CASQ2: variants seen among roughly 807,000 people sequenced by gnomAD.
CASQ2 encodes the protein calsequestrin-2.
CASQ2 carries 49 observed loss-of-function variants against 46.5 expected under a neutral mutation model. The observed-to-expected ratio is 1.05, with a 90% confidence interval of 0.84 to 1.34. The LOEUF (loss-of-function observed/expected upper bound fraction) is 1.34. Among genes scored for constraint, CASQ2 ranks in the 40% most tolerant of loss-of-function variants. The pLI, the probability that CASQ2 is intolerant of heterozygous loss-of-function variation, is 0.00. For missense variants in CASQ2, 486 were observed against 481.3 expected, an observed-to-expected ratio of 1.01 and a Z score of -0.09; for synonymous variants, 174 against 168.5, an observed-to-expected ratio of 1.03 and a Z score of -0.25.
rs1570793543 is a variant in CASQ2, at chr1:115,702,973, G to A, written c.962C>T (p.Thr321Ile). 1 of 1,613,448 alleles carries A rather than the reference G, an allele frequency of 6.2e-7. No individual in the cohort carries two copies. Among genetic ancestry groups the A allele is most frequent in the Non-Finnish European group, 8.5e-7 (1 of 1,179,760 alleles). Residue 321 changes from threonine to isoleucine, a missense_variant, in exon 10 of 11, where the codon ACT becomes ATT. Thr to Ile is a moderately conservative substitution (Grantham distance 89). Coordinates refer to ENST00000261448, the MANE Select transcript of CASQ2 (RefSeq NM_001232.4). ...FPLLVAYWEK[T>I]FKIDLFRPQI... is the part of the protein sequence containing the mutation. ...TGGCCTGAATAGGTCAATCTTGAAA[G>A]TCTTCTCCCAGTAGGCAACGAGCTG... is the stretch of plus-strand genomic sequence containing the variant.
intron 1 of CASQ2, among the ~76,000 whole-genome samples, chr1:115,764,127 G>T (rs78856753): frequency 6.6e-6 from 1 of 151,782 alleles, no homozygotes; most frequent in African/African-American, 2.4e-5. Flanking sequence ...AATGGCAAAA[G>T]AATTTTATAG....
intron 7 of CASQ2, among the ~76,000 whole-genome samples, chr1:115,723,499 A>G (rs894121638): frequency 6.6e-6 from 1 of 152,124 alleles, no homozygotes; most frequent in Non-Finnish European, 1.5e-5. Flanking sequence ...TTAAAGCACT[A>G]TTATATCTTT....
rs148491153 is a variant in CASQ2 at position 115,704,702 on chromosome 1, C to T, written c.939+490G>A. Among the ~76,000 whole-genome samples, 50 of 152,274 alleles carry T rather than the reference C, an allele frequency of 3.3e-4. No individual in the cohort carries two copies. The East Asian group carries it at 7.7e-3, about 24-fold the overall frequency. ...GACTTGAAGTTTCTTTCACATTCAT[C>T]GTAGGCTAGACACTATGCTAGGTCC... On this transcript the variant is annotated intron_variant, in intron 9 of 10. Coordinates refer to ENST00000261448, the MANE Select transcript of CASQ2 (RefSeq NM_001232.4).
intron 4 of CASQ2, among the ~76,000 whole-genome samples, chr1:115,736,218 C>G (rs183312083): frequency 6.6e-6 from 1 of 151,558 alleles, no homozygotes; most frequent in East Asian, 1.9e-4. Context: ...CCATTTGTCA[C>G]TATCCACATA....
At chr1:115,742,602 T>C (rs895462616) in intron 2 of CASQ2, among the ~76,000 whole-genome samples, 2 of 152,190 alleles carry the variant, frequency 1.3e-5, no homozygotes, top group African/African-American at 2.4e-5. Flanking sequence ...TTTTTATGTA[T>C]ACTTGCCCAG....
intron 5 of CASQ2, among the ~76,000 whole-genome samples, chr1:115,729,346 C>T (rs946691522): frequency 1.3e-5 from 2 of 152,110 alleles, no homozygotes; most frequent in African/African-American, 4.8e-5. Flanking sequence ...AGCCACTGCG[C>T]CCGACCCCCT....
At chr1:115,701,564 A>T in intron 10 of CASQ2, 138 bp from the exon 11 acceptor site, 2 of 711,732 alleles carry the variant, frequency 2.8e-6, no homozygotes, top group South Asian at 3.0e-5. Flanking sequence ...TGTTAAATGG[A>T]AATGCCAAAC....
At chr1:115,739,910 C>A (rs1163085264) in intron 3 of CASQ2, among the ~76,000 whole-genome samples, 3 of 152,228 alleles carry the variant, frequency 2.0e-5, no homozygotes, top group Admixed American at 2.0e-4. Context: ...TGTTCTGTCA[C>A]CCCTCTCAAC....
chr1:115,714,835 A>G (rs577854937), intron 8 of CASQ2, among the ~76,000 whole-genome samples: 1 of 152,334 alleles, frequency 6.6e-6, no homozygotes, highest in East Asian at 1.9e-4. Flanking sequence ...ACCTCAGTGC[A>G]TGCTTACAGC....
At chr1:115,739,324 C>T (rs1391783922) in intron 3 of CASQ2, among the ~76,000 whole-genome samples, 2 of 151,564 alleles carry the variant, frequency 1.3e-5, no homozygotes, top group East Asian at 3.9e-4. Flanking sequence ...ACCGTATTAG[C>T]CAGGATGGTC....
rs3811003 is a variant in CASQ2 at position 115,705,169 on chromosome 1, G to A, written c.939+23C>T. ...GAGGTTGTGACAGCAACTGAGGGTG[G>A]GGCGCTGGCTGGAGCCACTCACCAG... is the stretch of plus-strand genomic sequence containing the variant. On this transcript the variant is annotated intron_variant, in intron 9 of 10. Coordinates refer to ENST00000261448, the MANE Select transcript of CASQ2 (RefSeq NM_001232.4). 0.33 allele frequency: 478,639 copies of A among 1,440,028 alleles called. 83,796 individuals carry two copies. The highest frequency in any genetic ancestry group is 0.56 in the African/African-American group (40,380 of 71,568). The allele number at this position is 1,440,028 out of a possible 1,614,324, so 89.2% of individuals were successfully genotyped here.
intron 5 of CASQ2, among the ~76,000 whole-genome samples, chr1:115,731,103 T>G (rs1399233876): frequency 1.3e-5 from 2 of 152,206 alleles, no homozygotes; most frequent in African/African-American, 4.8e-5. Flanking sequence ...TTTGTCTCTT[T>G]AAATATTCTG....
chr1:115,730,427 T>C (rs1647745996), intron 5 of CASQ2, among the ~76,000 whole-genome samples: 1 of 152,194 alleles, frequency 6.6e-6, no homozygotes, highest in African/African-American at 2.4e-5. Flanking sequence ...AGGAATCTGC[T>C]TTGCTCAATG....
At chr1:115,736,629 T>C (rs1367778474) in intron 4 of CASQ2, among the ~76,000 whole-genome samples, 3 of 151,950 alleles carry the variant, frequency 2.0e-5, no homozygotes, top group African/African-American at 4.8e-5. Flanking sequence ...AGAGCAAAAC[T>C]AGGTCTCAAA....
chr1:115,768,127 C>T (rs1156623210), intron 1 of CASQ2, among the ~76,000 whole-genome samples, 181 bp downstream of exon 1: 1 of 152,074 alleles, frequency 6.6e-6, no homozygotes, highest in Non-Finnish European at 1.5e-5. Flanking sequence ...TAGGACCCAC[C>T]CCTCATTGTT....
chr1:115,700,871 G>A lies in CASQ2; in HGVS notation c.*370C>T. 1 of 587,766 alleles carries A rather than the reference G, an allele frequency of 1.7e-6. No homozygotes were observed. Among genetic ancestry groups the A allele is most frequent in the South Asian group, 2.2e-5 (1 of 45,142 alleles). 36.4% of individuals were successfully genotyped at this position (587,766 alleles called of 1,614,324 possible). On this transcript the variant is annotated 3_prime_UTR_variant, in exon 11 of 11. Transcript: ENST00000261448. ...CTCTATGCCTGTGAGTTAGAAAGCT[G>A]TCAATTTTGTTACTGTCATAATCAA...
chr1:115,703,094 T>C (rs1654260401), intron 9 of CASQ2, 99 bp from the exon 10 acceptor site: 3 of 919,720 alleles, frequency 3.3e-6, no homozygotes, highest in Admixed American at 2.0e-5. Flanking sequence ...CACCATTGGT[T>C]AAAGGTCTTC....
chr1:115,725,515 T>C lies in CASQ2; in HGVS notation c.776A>G (p.Glu259Gly), dbSNP rs1325421230. ...AGTTTGCCTCTTTCTTACCCATGTT[T>C]CAAACATTTCTTCTGGGCGCAGGCG... ...LRRLRPEEMF[E>G]TWEDDLNGIH... The change falls in exon 7 of 11, where the codon GAA (glutamate) becomes GGA (glycine). Residue 259 changes from glutamate to glycine, a missense_variant. Physicochemically the swap from Glu to Gly is moderately conservative, Grantham distance 98 (BLOSUM62 -2). Transcript: ENST00000261448. The C allele has an allele frequency of 6.2e-7, 1 of 1,605,712 alleles. No individual in the cohort carries two copies. The highest frequency in any genetic ancestry group is 1.4e-5 in the African/African-American group (1 of 72,886).
At chr1:115,703,573 T>A (rs369675874) in intron 9 of CASQ2, among the ~76,000 whole-genome samples, 132 of 152,014 alleles carry the variant, frequency 8.7e-4, no homozygotes, top group African/African-American at 3.2e-3. Context: ...TATTCAGGAA[T>A]CTGGAAATCA....
Sources: allele counts gnomAD v4.1 joint callset (sites outside exome capture counted in the v4.1 genomes callset), GRCh38; gene constraint gnomAD v4.1.1; transcripts MANE v1.5; gene names NCBI Gene and HGNC (gene_info 2026-07-23, HGNC 2026-07-21).